MRPS35: variants seen among roughly 807,000 people sequenced by gnomAD.
The protein encoded by MRPS35 is small ribosomal subunit protein mS35.
MRPS35 carries 29 observed loss-of-function variants against 32.7 expected under a neutral mutation model. The observed-to-expected ratio is 0.89, with a 90% CI of 0.66 to 1.21. The LOEUF is 1.21. Among genes scored for constraint, MRPS35 ranks in the 50% most tolerant of loss-of-function variants. The pLI, the probability that MRPS35 is intolerant of heterozygous loss-of-function variation, is 0.00. For synonymous variants in MRPS35, 148 were observed against 139.3 expected (o/e 1.06, Z -0.44); for missense variants, 373 against 383.8 (o/e 0.97, Z 0.23).
intron 4 of MRPS35, among the ~76,000 whole-genome samples, chr12:27,721,904 T>A (rs772843563): frequency 4.5e-4 from 68 of 152,224 alleles, no homozygotes; most frequent in African/African-American, 1.5e-3. Context: ...CTGAGCAACA[T>A]AGTGAGATCA....
chr12:27,718,641 T>G (rs1244663778), intron 3 of MRPS35, among the ~76,000 whole-genome samples: 1 of 152,264 alleles, frequency 6.6e-6, no homozygotes, highest in Non-Finnish European at 1.5e-5. Context: ...AGTAGCCTTT[T>G]AATGTGTCAT....
chr12:27,729,622 A>G (rs1441943625), intron 5 of MRPS35, among the ~76,000 whole-genome samples: 2 of 152,152 alleles, frequency 1.3e-5, no homozygotes, highest in East Asian at 1.9e-4. Context: ...TTATGAAATT[A>G]CCTCCTTTGA....
intron 5 of MRPS35, among the ~76,000 whole-genome samples, chr12:27,727,664 A>G (rs1490375414): frequency 6.6e-6 from 1 of 152,186 alleles, no homozygotes; most frequent in East Asian, 1.9e-4. Context: ...GTCATATGTA[A>G]GAAATCATTG....
chr12:27,713,729 C>A (rs898040228), intron 1 of MRPS35, among the ~76,000 whole-genome samples: 2 of 152,202 alleles, frequency 1.3e-5, no homozygotes, highest in African/African-American at 4.8e-5. Flanking sequence ...TCCCCACAGA[C>A]ATGCCCAGAA....
intron 5 of MRPS35, among the ~76,000 whole-genome samples, chr12:27,734,111 C>T (rs1435038608): frequency 2.0e-5 from 3 of 152,144 alleles, no homozygotes. Flanking sequence ...AAATAGATTT[C>T]AAAATCCTAT....
chr12:27,754,780 A>C (rs2062019691), intron 7 of MRPS35, among the ~76,000 whole-genome samples: 1 of 152,010 alleles, frequency 6.6e-6, no homozygotes, highest in South Asian at 2.1e-4. Context: ...AAAAAAAAAA[A>C]AAAAAAGTGA....
Position 27,721,266 on chromosome 12 carries a change from T to A in MRPS35, c.382+1398T>A, listed in dbSNP as rs190864938. On this transcript the variant is annotated intron_variant, in intron 4 of 7. Transcript: ENST00000081029. ...AAAATCTGTTGCCTCTTAATAGGTC[T>A]TCTACTTTAGGACATTGGGATGCTT... 2.3e-3 allele frequency among the ~76,000 whole-genome samples: 352 copies of A among 152,356 alleles called. 1 individual carries two copies. Among genetic ancestry groups the A allele is most frequent in the African/African-American group, 7.8e-3 (323 of 41,576 alleles).
At chr12:27,742,390 GC>G (rs1163427034) in intron 7 of MRPS35, among the ~76,000 whole-genome samples, 7 of 152,186 alleles carry the variant, frequency 4.6e-5, no homozygotes, top group Admixed American at 1.3e-4. Context: ...ATGACCCCCT[GC>G]CTTAGGTACC....
chr12:27,754,247 C>T (rs931044670), intron 7 of MRPS35, among the ~76,000 whole-genome samples: 1 of 152,052 alleles, frequency 6.6e-6, no homozygotes, highest in African/African-American at 2.4e-5. Flanking sequence ...GAGCGAGACT[C>T]TGTCTTGGCG....
intron 4 of MRPS35, 72 bp from the exon 5 acceptor site, chr12:27,723,975 T>C (rs2061887874): frequency 6.9e-7 from 1 of 1,444,786 alleles, no homozygotes; most frequent in South Asian, 1.3e-5. Flanking sequence ...AATTTGGTAT[T>C]GTCTAGTAGT....
At chr12:27,754,211 C>T (rs180889129) in intron 7 of MRPS35, among the ~76,000 whole-genome samples, 126 of 152,018 alleles carry the variant, frequency 8.3e-4, no homozygotes, top group African/African-American at 2.8e-3. Context: ...CTGAGATGGC[C>T]CCACTGTACT....
intron 2 of MRPS35, among the ~76,000 whole-genome samples, chr12:27,715,197 G>A (rs896848891): frequency 6.6e-6 from 1 of 152,218 alleles, no homozygotes; most frequent in Non-Finnish European, 1.5e-5. Context: ...GTGCAGTGGT[G>A]CAGTCTTGGC....
At chr12:27,745,961 A>G (rs562148949) in intron 7 of MRPS35, among the ~76,000 whole-genome samples, 2 of 152,306 alleles carry the variant, frequency 1.3e-5, no homozygotes, top group East Asian at 3.9e-4. Context: ...AATGCAGTCT[A>G]TCATTGTTGG....
intron 3 of MRPS35, among the ~76,000 whole-genome samples, chr12:27,716,983 T>G (rs2061853865): frequency 6.6e-6 from 1 of 150,884 alleles, no homozygotes; most frequent in Non-Finnish European, 1.5e-5. Context: ...AGAGTGAGAC[T>G]CTGTCTCAGG....
At chr12:27,743,203 G>A (rs574696044) in intron 7 of MRPS35, among the ~76,000 whole-genome samples, 1 of 151,990 alleles carries the variant, frequency 6.6e-6, no homozygotes, top group Non-Finnish European at 1.5e-5. Flanking sequence ...AAACCATCCT[G>A]TGTCAAATAT....
rs1477039186 is a variant in MRPS35, at chr12:27,724,071, C to T, written c.407C>T (p.Ala136Val). ...LKDFCTEWPAALDSDEKCEKH... is the reference protein window; with the variant it reads ...LKDFCTEWPAVLDSDEKCEKH... The stretch of plus-strand genomic sequence containing the variant: ...GATTTTTGCACTGAGTGGCCAGCCG[C>T]ACTGGACAGTGACGAGAAATGTGAG... Residue 136 changes from alanine (A) to valine (V), a missense_variant, in exon 5 of 8, where the codon GCA becomes GTA. Ala to Val is a moderately conservative substitution (Grantham distance 64). Coordinates refer to ENST00000081029, the MANE Select transcript of MRPS35 (RefSeq NM_021821.4). The T allele has an allele frequency of 4.4e-6, 7 of 1,608,140 alleles. No homozygotes were observed. The highest frequency in any genetic ancestry group is 5.9e-6 in the Non-Finnish European group (7 of 1,178,706).
At chr12:27,716,726 G>A (rs949737340) in intron 3 of MRPS35, among the ~76,000 whole-genome samples, 1 of 152,122 alleles carries the variant, frequency 6.6e-6, no homozygotes, top group African/African-American at 2.4e-5. Context: ...AGTGGCTCAC[G>A]CCTGTAATCC....
Position 27,714,497 on chromosome 12 carries a change from A to C in MRPS35, c.113-283A>C, listed in dbSNP as rs535401649. ...GCTACTTGGGAGGCTGAGGCAGGAG[A>C]ATCACTTGAACTCCGGAGGTAGAGG... On this transcript the variant is annotated intron_variant, in intron 1 of 7. Transcript: ENST00000081029. Among the ~76,000 whole-genome samples the C allele has an allele frequency of 6.6e-5, 10 of 151,962 alleles. No homozygotes were observed. In the South Asian group the frequency reaches 1.9e-3, roughly 29 times the overall value.
At chr12:27,734,242 CTTT>C (rs34818669) in intron 5 of MRPS35, among the ~76,000 whole-genome samples, 25 of 135,512 alleles carry the variant, frequency 1.8e-4, no homozygotes, top group African/African-American at 5.2e-4. Context: ...AACCTATCTT[CTTT>C]TTTTTTTTTT....
Sources: gnomAD v4.1 joint callset for allele counts (sites outside exome capture counted in the v4.1 genomes callset) on GRCh38, gnomAD v4.1.1 for gene constraint, MANE v1.5 for transcripts, NCBI Gene and HGNC (gene_info 2026-07-23, HGNC 2026-07-21) for gene names.